Variants in SLC25A20 observed in about 807,000 individuals in gnomAD.
The protein encoded by SLC25A20 is mitochondrial carnitine/acylcarnitine carrier protein.
SLC25A20 carries 29 observed loss-of-function variants against 39.7 expected under a neutral mutation model. That is an observed-to-expected ratio of 0.73 (90% CI 0.54 to 1.00). The LOEUF (loss-of-function observed/expected upper bound fraction) is 1.00, where lower values mean the gene tolerates loss of function less well. Among genes scored for constraint, SLC25A20 ranks in the 50% least tolerant of loss-of-function variants. SLC25A20 has a pLI of 0.00. For synonymous variants in SLC25A20, 103 were observed against 142.2 expected (o/e 0.72, Z 1.96); for missense variants, 333 against 379.9 (o/e 0.88, Z 1.03).
At chr3:48,895,044 C>CTT (rs10662156) in intron 1 of SLC25A20, among the ~76,000 whole-genome samples, 120,078 of 148,190 alleles carry the variant, frequency 0.81, 48,863 homozygotes, top group East Asian at 0.99. Flanking sequence ...TAGTTTCACT[C>CTT]GTCGCCCAGG....
intron 4 of SLC25A20, among the ~76,000 whole-genome samples, chr3:48,871,298 G>A (rs1331981351): frequency 1.3e-5 from 2 of 150,556 alleles, no homozygotes; most frequent in African/African-American, 4.9e-5. Context: ...AATTTACGTG[G>A]AAAGACAAAG....
rs144342341 is a variant in SLC25A20 at position 48,878,274 on chromosome 3, ATATATAT to A, written c.417+1077_417+1083del. ...GACTCCATCTCCACAAAAAAAAAAAATATATATATATATATATATATATATGTATATA... is the reference window on the plus strand; with the variant it reads ...GACTCCATCTCCACAAAAAAAAAAAAATATATATATATATATATGTATATA... On this transcript the variant is annotated intron_variant, in intron 4 of 8. Transcript: ENST00000319017. Among the ~76,000 whole-genome samples, 14 of 115,274 alleles carry A rather than the reference ATATATAT, an allele frequency of 1.2e-4. No individual in the cohort carries two copies. In the East Asian group the frequency reaches 1.5e-3, roughly 12 times the overall value. The allele number at this position is 115,274 out of a possible 152,430, so 75.6% of individuals were successfully genotyped here.
Position 48,884,070 on chromosome 3 carries a change from T to C in SLC25A20, c.253A>G (p.Met85Val), listed in dbSNP as rs1454498043. The C allele has an allele frequency of 6.2e-7, 1 of 1,613,824 alleles. No individual in the cohort carries two copies. Among genetic ancestry groups the C allele is most frequent in the African/African-American group, 1.3e-5 (1 of 74,912 alleles). ...MAAPIIGVTP[M>V]FAVCFFGFGL... is the part of the protein sequence containing the mutation. Reference sequence around the variant, plus strand: ...AACCCAAAGAAGCACACGGCAAACATGGGAGTGACCCCGATGATAGGGGCA... The same window carrying C: ...AACCCAAAGAAGCACACGGCAAACACGGGAGTGACCCCGATGATAGGGGCA... The change falls in exon 3 of 9, where the codon ATG becomes GTG. Residue 85 changes from methionine (M) to valine (V), a missense_variant. Coordinates refer to ENST00000319017, the MANE Select transcript of SLC25A20 (RefSeq NM_000387.6).
intron 1 of SLC25A20, 56 bp downstream of exon 1, chr3:48,898,634 C>T: frequency 6.7e-7 from 1 of 1,501,538 alleles, no homozygotes; most frequent in Non-Finnish European, 9.1e-7. Flanking sequence ...GGGGACCATG[C>T]TTTCCGCGCC....
chr3:48,893,487 G>T (rs1402589852), intron 1 of SLC25A20, among the ~76,000 whole-genome samples: 1 of 152,010 alleles, frequency 6.6e-6, no homozygotes, highest in African/African-American at 2.4e-5. Context: ...AGAAAACTGT[G>T]ATGGTGCCAC....
intron 4 of SLC25A20, among the ~76,000 whole-genome samples, chr3:48,870,699 T>C (rs181696789): frequency 4.0e-5 from 6 of 151,260 alleles, no homozygotes; most frequent in Admixed American, 3.3e-4. Flanking sequence ...TTTTAAGAGA[T>C]GGGGTTTCGC....
chr3:48,883,552 A>G (rs2083809349), intron 3 of SLC25A20, among the ~76,000 whole-genome samples: 1 of 149,032 alleles, frequency 6.7e-6, no homozygotes, highest in Admixed American at 6.7e-5. Flanking sequence ...ACTCTGTCTC[A>G]AAAAAGAAAG....
At position 48,894,172 on chromosome 3, in the gene SLC25A20, AAAG is replaced by A. The variant is rs1271622155; in HGVS notation, c.106-2103_106-2101del. Among the ~76,000 whole-genome samples the A allele has an allele frequency of 8.4e-4, 116 of 137,406 alleles. 1 individual carries two copies. The highest frequency in any genetic ancestry group is 3.5e-3 in the Middle Eastern group (1 of 284). 90.1% of individuals were successfully genotyped at this position (137,406 alleles called of 152,430 possible). On this transcript the variant is annotated intron_variant, in intron 1 of 8. Coordinates refer to ENST00000319017, the MANE Select transcript of SLC25A20 (RefSeq NM_000387.6). ...AGACTCCTTCTCAAAAAAAAAAAAA[AAAG>A]AAGAAGATTCTCTCTCTCTCTCTCT...
intron 1 of SLC25A20, chr3:48,895,739 C>A (rs1377830905): frequency 2.2e-6 from 1 of 456,272 alleles, no homozygotes; most frequent in Admixed American, 2.4e-5. Flanking sequence ...ATAGAAATGC[C>A]CAGAGGCCAC....
At chr3:48,868,967 A>G (rs1052151879) in intron 4 of SLC25A20, among the ~76,000 whole-genome samples, 2 of 152,202 alleles carry the variant, frequency 1.3e-5, no homozygotes, top group African/African-American at 4.8e-5. Context: ...GACAGCTGGT[A>G]CCAGCACCTT....
intron 2 of SLC25A20, among the ~76,000 whole-genome samples, chr3:48,885,484 G>A (rs921808886): frequency 2.0e-5 from 3 of 152,120 alleles, no homozygotes; most frequent in Admixed American, 2.0e-4. Flanking sequence ...CAGGGCAGTA[G>A]AGGACTCCAA....
At chr3:48,897,407 T>C (rs2083918409) in intron 1 of SLC25A20, among the ~76,000 whole-genome samples, 1 of 143,470 alleles carries the variant, frequency 7.0e-6, no homozygotes, top group South Asian at 2.2e-4. Flanking sequence ...CCCAGAGGCC[T>C]AGAACTAATA....
In SLC25A20 at chr3:48,861,805, T is replaced by A. The variant is rs138565764; in HGVS notation, c.535+737A>T. Reference sequence around the variant, plus strand: ...ACCTTGGGAGGCCGAGGCAGGTGCATCACCTGAGGTCAGGAGTTTGAGACC... The same window carrying A: ...ACCTTGGGAGGCCGAGGCAGGTGCAACACCTGAGGTCAGGAGTTTGAGACC... On this transcript the variant is annotated intron_variant, in intron 5 of 8. Coordinates refer to ENST00000319017, the MANE Select transcript of SLC25A20 (RefSeq NM_000387.6). Among the ~76,000 whole-genome samples the A allele has an allele frequency of 3.0e-4, 46 of 151,958 alleles. 1 individual carries two copies. In the East Asian group the frequency reaches 8.5e-3, roughly 28 times the overall value.
At chr3:48,876,957 G>A (rs965149236) in intron 4 of SLC25A20, among the ~76,000 whole-genome samples, 1 of 151,736 alleles carries the variant, frequency 6.6e-6, no homozygotes, top group Non-Finnish European at 1.5e-5. Flanking sequence ...TTAGCCAGGC[G>A]TGGTGGTGGG....
At chr3:48,876,045 T>A (rs1310163623) in intron 4 of SLC25A20, among the ~76,000 whole-genome samples, 1 of 151,540 alleles carries the variant, frequency 6.6e-6, no homozygotes, top group East Asian at 2.0e-4. Flanking sequence ...ATAAAAAAAA[T>A]TTTAAAGCCA....
chr3:48,871,747 A>C (rs1442105042), intron 4 of SLC25A20, among the ~76,000 whole-genome samples: 2 of 150,724 alleles, frequency 1.3e-5, no homozygotes, highest in African/African-American at 4.9e-5. Flanking sequence ...AGCCTGGGCA[A>C]CAAAGAGCGA....
At position 48,898,861 on chromosome 3, in the gene SLC25A20, G is replaced by C. The variant is rs910741400; in HGVS notation, c.-67C>G. 2 of 1,475,068 alleles carry C rather than the reference G, an allele frequency of 1.4e-6. No homozygotes were observed. Among genetic ancestry groups the C allele is most frequent in the Admixed American group, 3.9e-5 (2 of 50,880 alleles). 91.4% of individuals were successfully genotyped at this position (1,475,068 alleles called of 1,614,324 possible). On this transcript the variant is annotated 5_prime_UTR_variant, in exon 1 of 9. Coordinates refer to ENST00000319017, the MANE Select transcript of SLC25A20 (RefSeq NM_000387.6). ...TCCTGGCTTCTCAGCCCCAGCTGCAGTGCCGGCGCCGCCGACCTTTCACCC... is the reference window on the plus strand; with the variant it reads ...TCCTGGCTTCTCAGCCCCAGCTGCACTGCCGGCGCCGCCGACCTTTCACCC...
intron 2 of SLC25A20, among the ~76,000 whole-genome samples, chr3:48,891,230 G>A (rs1479349901): frequency 3.3e-5 from 5 of 152,006 alleles, no homozygotes; most frequent in Admixed American, 6.6e-5. Context: ...GCATGCCACC[G>A]TGCACAGCCA....
chr3:48,878,273 A>AAAAAAT (rs1274688337), intron 4 of SLC25A20, among the ~76,000 whole-genome samples: 3 of 127,668 alleles, frequency 2.3e-5, no homozygotes, highest in African/African-American at 5.7e-5. Context: ...AAAAAAAAAA[A>AAAAAAT]ATATATATAT....
Sources: allele counts gnomAD v4.1 joint callset (sites outside exome capture counted in the v4.1 genomes callset), GRCh38; gene constraint gnomAD v4.1.1; transcripts MANE v1.5; gene names NCBI Gene and HGNC (gene_info 2026-07-23, HGNC 2026-07-21).